Variants in CHST8 observed in about 807,000 individuals in gnomAD.
The protein encoded by CHST8 is GALNAC-4-ST1.
Under a neutral mutation model 15.0 loss-of-function variants are expected in CHST8, and 10 were observed. The ratio of observed to expected loss-of-function variants is 0.67; its 90% CI spans 0.41 to 1.13. The LOEUF is 1.13. Ranked by LOEUF, CHST8 falls within the 50% of genes most tolerant of loss-of-function variation. The probability of loss-of-function intolerance (pLI) is 0.00; values close to 1 mark genes in which losing one functional copy is unlikely to be tolerated. For missense variants in CHST8, 634 were observed against 608.2 expected, an observed-to-expected ratio of 1.04 and a Z score of -0.45; for synonymous variants, 259 against 256.6, an observed-to-expected ratio of 1.01 and a Z score of -0.09.
chr19:33,757,425 A>G (rs1267941290), intron 3 of CHST8, among the ~76,000 whole-genome samples: 1 of 12,736 alleles, frequency 7.9e-5, no homozygotes, highest in African/African-American at 3.0e-4. Context: ...AAAGAAAGAA[A>G]GAAAGAAAGA....
At position 33,637,234 on chromosome 19, in the gene CHST8, C is replaced by T. The variant is rs560709568; in HGVS notation, c.-164+14938C>T. Among the ~76,000 whole-genome samples, 8 of 152,206 alleles carry T rather than the reference C, an allele frequency of 5.3e-5. No individual in the cohort carries two copies. The East Asian group carries it at 1.6e-3, about 30-fold the overall frequency. ...TTTATGACCTGTATCTTGTGCTGAC[C>T]TCCTATCTCATCCTGTGACTTGGAA... is the stretch of plus-strand genomic sequence containing the variant. On this transcript the variant is annotated intron_variant, in intron 1 of 4. Transcript: ENST00000650847.
At chr19:33,631,813 G>A (rs895021900) in intron 1 of CHST8, among the ~76,000 whole-genome samples, 6 of 152,144 alleles carry the variant, frequency 3.9e-5, no homozygotes, top group Non-Finnish European at 8.8e-5. Context: ...CTGAAGCTGG[G>A]ACCTGGAGTC....
chr19:33,630,858 C>T (rs1309215529), intron 1 of CHST8, among the ~76,000 whole-genome samples: 3 of 152,200 alleles, frequency 2.0e-5, no homozygotes, highest in Admixed American at 1.3e-4. Context: ...TCTGTGCTTG[C>T]CCCACTCTCT....
chr19:33,720,396 C>T (rs1368330553), intron 3 of CHST8, among the ~76,000 whole-genome samples: 4 of 151,684 alleles, frequency 2.6e-5, no homozygotes, highest in Admixed American at 1.3e-4. Flanking sequence ...ACATGCACCA[C>T]ACACCCCGCA....
At chr19:33,627,412 C>G (rs1972070117) in intron 1 of CHST8, among the ~76,000 whole-genome samples, 1 of 152,062 alleles carries the variant, frequency 6.6e-6, no homozygotes, top group South Asian at 2.1e-4. Context: ...ACGCCCGACC[C>G]TTTTTCTTTA....
chr19:33,757,901 GCCAGAGCCTT>G (rs1974635631), intron 3 of CHST8, among the ~76,000 whole-genome samples: 1 of 152,168 alleles, frequency 6.6e-6, no homozygotes, highest in African/African-American at 2.4e-5. Flanking sequence ...TAATCCTCAG[GCCAGAGCCTT>G]CCAGAGCTTC....
At chr19:33,766,333 A>G (rs1387556990) in intron 3 of CHST8, among the ~76,000 whole-genome samples, 1 of 151,354 alleles carries the variant, frequency 6.6e-6, no homozygotes. Flanking sequence ...CCCATTCAGA[A>G]CCCTTCATAC....
chr19:33,773,017 A>G lies in CHST8; in HGVS notation c.1229A>G (p.Asp410Gly). 1 of 1,612,078 alleles carries G rather than the reference A, an allele frequency of 6.2e-7. No individual in the cohort carries two copies. The highest frequency in any genetic ancestry group is 2.2e-5 in the East Asian group (1 of 44,866). Residue 410 changes from aspartate (D) to glycine (G), a missense_variant, in exon 5 of 5, where the codon GAT becomes GGT. Coordinates refer to ENST00000650847, the MANE Select transcript of CHST8 (RefSeq NM_001127895.2). ...CGCACCTACGACTTCTACTACATGG[A>G]TTACCTGATGTTCAACTATTCCAAG... ...RQRTYDFYYM[D>G]YLMFNYSKPF... is the part of the protein sequence containing the mutation.
At chr19:33,652,115 T>A (rs1972456360) in intron 1 of CHST8, among the ~76,000 whole-genome samples, 1 of 152,196 alleles carries the variant, frequency 6.6e-6, no homozygotes, top group Non-Finnish European at 1.5e-5. Context: ...TCAAGATGAT[T>A]ATGCCTTCCT....
chr19:33,668,550 G>A (rs1568320872), intron 2 of CHST8, among the ~76,000 whole-genome samples: 1 of 152,162 alleles, frequency 6.6e-6, no homozygotes, highest in Non-Finnish European at 1.5e-5. Context: ...AGCTCTCCAG[G>A]GAGGTGGAAG....
At chr19:33,674,368 TCCCACTCGTCTGTACAGA>T in intron 2 of CHST8, among the ~76,000 whole-genome samples, 1 of 152,150 alleles carries the variant, frequency 6.6e-6, no homozygotes, top group Non-Finnish European at 1.5e-5. Context: ...AGGGGCTGGG[TCCCACTCGTCTGTACAGA>T]CTGCTCAGCT....
At chr19:33,754,264 G>T (rs1974501194) in intron 3 of CHST8, among the ~76,000 whole-genome samples, 1 of 149,936 alleles carries the variant, frequency 6.7e-6, no homozygotes, top group Non-Finnish European at 1.5e-5. Flanking sequence ...CTATGAGCTG[G>T]GCCTGGGGCC....
At chr19:33,676,418 A>G (rs570426185) in intron 2 of CHST8, among the ~76,000 whole-genome samples, 84 of 151,952 alleles carry the variant, frequency 5.5e-4, no homozygotes, top group Admixed American at 1.2e-3. Context: ...AAAAATACCA[A>G]AATTAGCCAG....
intron 1 of CHST8, among the ~76,000 whole-genome samples, chr19:33,665,443 T>C (rs1311592758): frequency 2.0e-5 from 3 of 152,170 alleles, no homozygotes; most frequent in African/African-American, 4.8e-5. Context: ...CGTGGCTGTG[T>C]TCCAATAAAA....
chr19:33,681,335 G>C (rs1470929186), intron 2 of CHST8, among the ~76,000 whole-genome samples: 1 of 152,182 alleles, frequency 6.6e-6, no homozygotes, highest in East Asian at 1.9e-4. Flanking sequence ...TTTGACACTT[G>C]CAGTGTGGCC....
intron 3 of CHST8, among the ~76,000 whole-genome samples, chr19:33,739,128 C>T (rs1304901572): frequency 6.6e-6 from 1 of 152,174 alleles, no homozygotes; most frequent in African/African-American, 2.4e-5. Flanking sequence ...TCCATTTCCA[C>T]CTGCAGAGAA....
intron 1 of CHST8, among the ~76,000 whole-genome samples, chr19:33,630,722 TCTAA>T (rs1972112059): frequency 6.7e-6 from 1 of 150,266 alleles, no homozygotes; most frequent in African/African-American, 2.5e-5. Context: ...AGGCAGTCTG[TCTAA>T]CTGACGGAGC....
chr19:33,724,241 T>C (rs1424995231), intron 3 of CHST8, among the ~76,000 whole-genome samples: 1 of 152,114 alleles, frequency 6.6e-6, no homozygotes, highest in Non-Finnish European at 1.5e-5. Context: ...AGCCCCCTCC[T>C]GACACACCCT....
intron 3 of CHST8, among the ~76,000 whole-genome samples, chr19:33,745,487 T>A (rs1599612020): frequency 6.6e-6 from 1 of 152,216 alleles, no homozygotes; most frequent in African/African-American, 2.4e-5. Context: ...TGGCAGGTGA[T>A]TCAACCCTAA....
Sources: gnomAD v4.1 joint callset for allele counts (sites outside exome capture counted in the v4.1 genomes callset) on GRCh38, gnomAD v4.1.1 for gene constraint, MANE v1.5 for transcripts, NCBI Gene and HGNC (gene_info 2026-07-23, HGNC 2026-07-21) for gene names.